The following SYT1 variants were observed in gnomAD, a reference collection of about 807,000 sequenced individuals.
SYT1 encodes the protein synaptotagmin 1, also known as synaptotagmin-1.
A neutral mutation model predicts 44.8 loss-of-function variants in SYT1; 8 were observed. That is an observed-to-expected ratio of 0.18 (90% CI 0.10 to 0.32). The LOEUF (loss-of-function observed/expected upper bound fraction) is 0.32, where lower values mean the gene tolerates loss of function less well. SYT1 is among the 10% of genes least tolerant of loss of function. The probability of loss-of-function intolerance (pLI) is 1.00; values close to 1 mark genes in which losing one functional copy is unlikely to be tolerated. For missense variants in SYT1, 286 were observed against 509.3 expected (o/e 0.56, Z 4.22); for synonymous variants, 154 against 188.8 (o/e 0.82, Z 1.51).
chr12:79,069,624 TACTA>T (rs747816969), intron 3 of SYT1, among the ~76,000 whole-genome samples: 39 of 152,176 alleles, frequency 2.6e-4, no homozygotes, highest in East Asian at 1.2e-3. Context: ...GAAAGATGGC[TACTA>T]ACTATGACTT....
chr12:79,079,260 C>G (rs1370269427), intron 3 of SYT1, among the ~76,000 whole-genome samples: 5 of 152,100 alleles, frequency 3.3e-5, no homozygotes, highest in Admixed American at 6.6e-5. Flanking sequence ...GAGATTAATA[C>G]AGTAATAATT....
At chr12:79,361,715 T>A (rs1883322171) in intron 9 of SYT1, among the ~76,000 whole-genome samples, 2 of 152,238 alleles carry the variant, frequency 1.3e-5, no homozygotes, top group African/African-American at 4.8e-5. Flanking sequence ...TTTTAGTGAC[T>A]TATTCTTCAC....
intron 1 of SYT1, among the ~76,000 whole-genome samples, chr12:78,947,755 A>G (rs1454438536): frequency 6.6e-6 from 1 of 151,860 alleles, no homozygotes; most frequent in African/African-American, 2.4e-5. Context: ...GGTTATTTTA[A>G]TTGGTTTAAA....
At chr12:79,159,414 C>G (rs1870809481) in intron 3 of SYT1, among the ~76,000 whole-genome samples, 2 of 152,056 alleles carry the variant, frequency 1.3e-5, no homozygotes, top group South Asian at 4.1e-4. Flanking sequence ...GATTGCTTTC[C>G]AAGGTTTCAG....
chr12:78,926,780 A>G (rs955649009), intron 1 of SYT1: 3 of 152,056 alleles, frequency 2.0e-5, no homozygotes, highest in Non-Finnish European at 4.4e-5. Flanking sequence ...TATACTCCCT[A>G]TATTCTTTAT....
intron 2 of SYT1, among the ~76,000 whole-genome samples, chr12:79,014,395 T>G (rs1871655588): frequency 6.6e-6 from 1 of 152,196 alleles, no homozygotes; most frequent in South Asian, 2.1e-4. Flanking sequence ...TTAGTGCAAA[T>G]ATTTCTTCTC....
intron 1 of SYT1, among the ~76,000 whole-genome samples, chr12:78,905,407 C>CT (rs1305695865): frequency 1.3e-5 from 2 of 152,162 alleles, no homozygotes; most frequent in African/African-American, 4.8e-5. Flanking sequence ...AATTATCTAA[C>CT]TTGTATGTTG....
At chr12:79,034,523 T>C (rs1042654276) in intron 2 of SYT1, among the ~76,000 whole-genome samples, 2 of 151,750 alleles carry the variant, frequency 1.3e-5, no homozygotes, top group Non-Finnish European at 3.0e-5. Context: ...CTGATACTTA[T>C]TAACTCCAAA....
chr12:79,426,526 T>G (rs1869458893), intron 9 of SYT1, among the ~76,000 whole-genome samples: 1 of 152,182 alleles, frequency 6.6e-6, no homozygotes, highest in Non-Finnish European at 1.5e-5. Flanking sequence ...TTCCCTCTTC[T>G]CTAAGAAAAT....
chr12:78,923,022 TCTC>T (rs1319833249), intron 1 of SYT1, among the ~76,000 whole-genome samples: 1 of 151,864 alleles, frequency 6.6e-6, no homozygotes, highest in Admixed American at 6.6e-5. Context: ...AATGTGAAAA[TCTC>T]CTCTGCTTCT....
intron 1 of SYT1, 107 bp from the exon 2 acceptor site, chr12:78,977,692 A>G (rs1565745941): frequency 1.3e-5 from 2 of 152,282 alleles, no homozygotes; most frequent in Non-Finnish European, 2.9e-5. Context: ...AATGGGCTGC[A>G]TAAGCAGAAG....
intron 9 of SYT1, among the ~76,000 whole-genome samples, chr12:79,441,663 T>C (rs1870429676): frequency 6.6e-6 from 1 of 152,142 alleles, no homozygotes; most frequent in Non-Finnish European, 1.5e-5. Context: ...GTAGAATACA[T>C]CTGAGTCATC....
chr12:78,978,349 G>A (rs965269646), intron 2 of SYT1, among the ~76,000 whole-genome samples: 2 of 152,144 alleles, frequency 1.3e-5, no homozygotes, highest in Non-Finnish European at 2.9e-5. Context: ...TGATATTTTA[G>A]CACGAGTATT....
At chr12:79,435,916 G>GC (rs1161810483) in intron 9 of SYT1, among the ~76,000 whole-genome samples, 3 of 152,052 alleles carry the variant, frequency 2.0e-5, no homozygotes, top group Non-Finnish European at 4.4e-5. Context: ...AGGGAAAACA[G>GC]CCCCCCGCTG....
rs1332251768 is a variant in SYT1 at position 78,973,936 on chromosome 12, AAAATATATATATATATATATATAT to A, written c.-216-3861_-216-3838del. On this transcript the variant is annotated intron_variant, in intron 1 of 10. Coordinates refer to ENST00000261205, the MANE Select transcript of SYT1 (RefSeq NM_005639.3). ...AACACCAAAAAAAAAAAAAAAAAAA[AAAATATATATATATATATATATAT>A]ATATATATATATATATATATATATA... Among the ~76,000 whole-genome samples the A allele has an allele frequency of 2.1e-3, 54 of 25,298 alleles. 1 individual carries two copies. Among genetic ancestry groups the A allele is most frequent in the African/African-American group, 8.7e-3 (44 of 5,074 alleles). 16.6% of individuals were successfully genotyped at this position (25,298 alleles called of 152,430 possible). A position where few individuals can be genotyped will look rare whatever the true frequency, so the allele number is the denominator to read the frequency against.
chr12:79,243,182 T>C (rs1876615767), intron 4 of SYT1, among the ~76,000 whole-genome samples: 1 of 152,210 alleles, frequency 6.6e-6, no homozygotes, highest in African/African-American at 2.4e-5. Flanking sequence ...GTGGGGATTA[T>C]GGGAGCTACA....
At chr12:79,179,105 TATAGATA>T (rs1872162063) in intron 3 of SYT1, among the ~76,000 whole-genome samples, 2 of 123,006 alleles carry the variant, frequency 1.6e-5, no homozygotes, top group African/African-American at 6.5e-5. Flanking sequence ...GATATAGATA[TATAGATA>T]TAGATATAGA....
intron 4 of SYT1, among the ~76,000 whole-genome samples, chr12:79,236,301 T>C (rs1219427612): frequency 2.9e-4 from 44 of 152,196 alleles, no homozygotes; most frequent in Non-Finnish European, 5.9e-5. Flanking sequence ...AACCTCTCTA[T>C]AGTTTAACCC....
chr12:79,378,593 C>G (rs888659030), intron 9 of SYT1, among the ~76,000 whole-genome samples: 5 of 152,202 alleles, frequency 3.3e-5, no homozygotes, highest in African/African-American at 1.2e-4. Context: ...TCAAACTATT[C>G]TGATTCAAGA....
Sources: allele counts gnomAD v4.1 joint callset (sites outside exome capture counted in the v4.1 genomes callset), GRCh38; gene constraint gnomAD v4.1.1; transcripts MANE v1.5; gene names NCBI Gene and HGNC (gene_info 2026-07-23, HGNC 2026-07-21).